The following NPHP1 variants were observed in gnomAD, a reference collection of about 807,000 sequenced individuals.
NPHP1 encodes the protein nephrocystin-1.
NPHP1 carries 70 observed loss-of-function variants against 90.4 expected under a neutral mutation model. The ratio of observed to expected loss-of-function variants is 0.77; its 90% CI spans 0.64 to 0.95. The LOEUF is 0.95. NPHP1 is among the 40% of genes least tolerant of loss of function. NPHP1 has a pLI of 0.00. For synonymous variants in NPHP1, 256 were observed against 271.7 expected (o/e 0.94, Z 0.57); for missense variants, 764 against 795.9 (o/e 0.96, Z 0.48).
intron 2 of NPHP1, among the ~76,000 whole-genome samples, chr2:110,188,681 AAAG>A (rs1684460961): frequency 1.3e-5 from 2 of 151,816 alleles, no homozygotes; most frequent in Admixed American, 1.3e-4. Context: ...ATATGGAACA[AAAG>A]AAGAGCCCAA....
chr2:110,149,451 T>C (rs1331094239), intron 12 of NPHP1, among the ~76,000 whole-genome samples: 2 of 152,038 alleles, frequency 1.3e-5, no homozygotes, highest in Non-Finnish European at 2.9e-5. Context: ...AAGATGGACT[T>C]TTAGGAGGTG....
At chr2:110,191,134 G>A (rs953348584) in intron 2 of NPHP1, among the ~76,000 whole-genome samples, 1 of 152,104 alleles carries the variant, frequency 6.6e-6, no homozygotes, top group Non-Finnish European at 1.5e-5. Context: ...GAGGTACTGG[G>A]TTCATCTCAC....
At chr2:110,195,908 A>G (rs1685133055) in intron 2 of NPHP1, among the ~76,000 whole-genome samples, 1 of 152,194 alleles carries the variant, frequency 6.6e-6, no homozygotes, top group South Asian at 2.1e-4. Flanking sequence ...TGGGGAAATG[A>G]TTCCCTATTT....
chr2:110,195,287 G>C (rs1245741545), intron 2 of NPHP1, among the ~76,000 whole-genome samples: 1 of 152,148 alleles, frequency 6.6e-6, no homozygotes, highest in African/African-American at 2.4e-5. Context: ...ATCTCCTTAA[G>C]CTGATAGGCA....
intron 11 of NPHP1, among the ~76,000 whole-genome samples, chr2:110,158,776 G>A (rs1185358389): frequency 6.6e-6 from 1 of 151,598 alleles, no homozygotes; most frequent in East Asian, 2.0e-4. Context: ...TTTTGAAGAG[G>A]CTATTCAAGT....
In NPHP1 at chr2:110,123,624, A is replaced by G; in HGVS notation, c.*167T>C. ...AATTTATTTTATGGTTTTAAAAAAT[A>G]TTTAAATTATTGTATAAACATTTCT... On this transcript the variant is annotated 3_prime_UTR_variant, in exon 20 of 20. Transcript: ENST00000445609. 1.6e-6 allele frequency: 1 copy of G among 632,758 alleles called. No individual in the cohort carries two copies. The highest frequency in any genetic ancestry group is 2.9e-5 in the Admixed American group (1 of 33,924). 39.2% of individuals were successfully genotyped at this position (632,758 alleles called of 1,614,324 possible). A position where few individuals can be genotyped will look rare whatever the true frequency, so the allele number is the denominator to read the frequency against.
rs1683972344 is a variant in NPHP1, at chr2:110,182,457, A to G, written c.144-2773T>C. Among the ~76,000 whole-genome samples, 3 of 152,300 alleles carry G rather than the reference A, an allele frequency of 2.0e-5. No homozygotes were observed. In the South Asian group the frequency reaches 6.2e-4, roughly 32 times the overall value. ...ACCTCTCAGTGGAAACCCAAACCCTATAAGCCAGCAGAGACTGGGGACCAA... is the reference window on the plus strand; with the variant it reads ...ACCTCTCAGTGGAAACCCAAACCCTGTAAGCCAGCAGAGACTGGGGACCAA... On this transcript the variant is annotated intron_variant, in intron 2 of 19. Transcript: ENST00000445609.
chr2:110,184,613 A>T, intron 2 of NPHP1: 1 of 1,029,808 alleles, frequency 9.7e-7, no homozygotes, highest in South Asian at 1.3e-5. Flanking sequence ...TTGACATCGC[A>T]AGCTGGAACA....
chr2:110,164,033 T>A (rs1361593866), intron 8 of NPHP1: 1 of 156,702 alleles, frequency 6.4e-6, no homozygotes, highest in Non-Finnish European at 1.4e-5. Flanking sequence ...AAAAATGTAA[T>A]TAATTACTTT....
chr2:110,141,665 C>T (rs771441869), intron 16 of NPHP1, among the ~76,000 whole-genome samples: 7 of 152,066 alleles, frequency 4.6e-5, no homozygotes, highest in Non-Finnish European at 1.0e-4. Flanking sequence ...CAAAGTGCTA[C>T]AGTCATTTTG....
In NPHP1 at chr2:110,167,504, G is replaced by A. The variant is rs141378467; in HGVS notation, c.624+948C>T. Among the ~76,000 whole-genome samples, 127 of 152,146 alleles carry A rather than the reference G, an allele frequency of 8.3e-4. 1 individual carries two copies. The East Asian group carries it at 0.014, about 17-fold the overall frequency. ...AGGATGGTGAACACAGCGAAGTGCT[G>A]GGAAGGTGGAAGGCCCAGAGAGTGC... On this transcript the variant is annotated intron_variant, in intron 6 of 19. Transcript: ENST00000445609.
At chr2:110,145,531 C>T (rs1334836653) in intron 14 of NPHP1, among the ~76,000 whole-genome samples, 2 of 152,052 alleles carry the variant, frequency 1.3e-5, no homozygotes, top group Non-Finnish European at 2.9e-5. Flanking sequence ...CTCAGGTGAT[C>T]CTCCCGCCAA....
chr2:110,135,144 A>C (rs1272784242), intron 16 of NPHP1, among the ~76,000 whole-genome samples: 3 of 152,134 alleles, frequency 2.0e-5, no homozygotes, highest in Admixed American at 2.0e-4. Context: ...TACACTAACA[A>C]TGCACAATTT....
intron 2 of NPHP1, chr2:110,185,188 G>C: frequency 1.8e-6 from 1 of 547,480 alleles, no homozygotes; most frequent in South Asian, 1.4e-5. Flanking sequence ...CTAATGTTGG[G>C]ATATCATCTT....
intron 2 of NPHP1, among the ~76,000 whole-genome samples, chr2:110,180,862 G>T (rs1370374934): frequency 6.6e-6 from 1 of 152,130 alleles, no homozygotes; most frequent in African/African-American, 2.4e-5. Context: ...CCAGGGCCTT[G>T]GGTCCAATAC....
At chr2:110,129,325 C>A (rs1360829413) in intron 17 of NPHP1, 66 bp from the exon 18 acceptor site, 8 of 1,135,346 alleles carry the variant, frequency 7.0e-6, no homozygotes, top group Non-Finnish European at 1.1e-5. Context: ...TTGCAATAGA[C>A]ACAAAAATAT....
intron 16 of NPHP1, among the ~76,000 whole-genome samples, chr2:110,142,155 G>T (rs927872595): frequency 2.0e-5 from 3 of 151,778 alleles, no homozygotes; most frequent in Admixed American, 1.3e-4. Flanking sequence ...ATTTATAATT[G>T]CCCAAACCTA....
At chr2:110,163,021 G>C in intron 9 of NPHP1, 27 bp downstream of exon 9, 2 of 1,510,398 alleles carry the variant, frequency 1.3e-6, no homozygotes, top group Non-Finnish European at 1.8e-6. Flanking sequence ...TGCTGAAAGA[G>C]TGCAGTGGCT....
At chr2:110,136,436 C>T (rs1266848032) in intron 16 of NPHP1, among the ~76,000 whole-genome samples, 1 of 152,108 alleles carries the variant, frequency 6.6e-6, no homozygotes, top group Non-Finnish European at 1.5e-5. Flanking sequence ...ATTGTCTCAG[C>T]CCAAAATCTC....
Sources: gnomAD v4.1 joint callset for allele counts (sites outside exome capture counted in the v4.1 genomes callset) on GRCh38, gnomAD v4.1.1 for gene constraint, MANE v1.5 for transcripts, NCBI Gene and HGNC (gene_info 2026-07-23, HGNC 2026-07-21) for gene names.